The following MRAP variants were observed in gnomAD, a reference collection of about 807,000 sequenced individuals.
MRAP encodes the protein melanocortin-2 receptor accessory protein.
A neutral mutation model predicts 8.7 loss-of-function variants in MRAP; 8 were observed. That is an observed-to-expected ratio of 0.92 (90% CI 0.54 to 1.66). The LOEUF (loss-of-function observed/expected upper bound fraction) is 1.66, where lower values mean the gene tolerates loss of function less well. Ranked by LOEUF, MRAP falls within the 40% of genes most tolerant of loss-of-function variation. MRAP has a pLI of 0.00. For missense variants in MRAP, 237 were observed against 217.1 expected (o/e 1.09, Z -0.58); for synonymous variants, 95 against 95.5 (o/e 1.00, Z 0.03).
intron 1 of MRAP, among the ~76,000 whole-genome samples, chr21:32,304,550 G>A (rs1474493779): frequency 1.3e-5 from 2 of 151,924 alleles, no homozygotes; most frequent in Non-Finnish European, 2.9e-5. Flanking sequence ...GGCAGGCGGA[G>A]GTTGCAGTGA....
chr21:32,305,541 T>C (rs1190209661), intron 1 of MRAP, among the ~76,000 whole-genome samples: 1 of 151,790 alleles, frequency 6.6e-6, no homozygotes, highest in East Asian at 1.9e-4. Flanking sequence ...GAGGAGGAGG[T>C]TGGGGGTGGA....
chr21:32,309,045 A>C (rs187169854), intron 2 of MRAP, among the ~76,000 whole-genome samples: 2 of 152,184 alleles, frequency 1.3e-5, no homozygotes, highest in South Asian at 4.1e-4. Flanking sequence ...TGTTGCTGTA[A>C]CAGAATACCT....
chr21:32,307,271 T>G (rs1422173212), intron 2 of MRAP, among the ~76,000 whole-genome samples: 1 of 151,992 alleles, frequency 6.6e-6, no homozygotes, highest in Non-Finnish European at 1.5e-5. Context: ...CTTTTGGGGA[T>G]GATAAAAATG....
At chr21:32,305,843 A>T (rs1202006196) in intron 1 of MRAP, among the ~76,000 whole-genome samples, 1 of 151,726 alleles carries the variant, frequency 6.6e-6, no homozygotes, top group Admixed American at 6.6e-5. Context: ...GTAGTTCCAT[A>T]GCAACTGGCC....
intron 1 of MRAP, among the ~76,000 whole-genome samples, chr21:32,301,474 T>C (rs923135914): frequency 1.3e-4 from 20 of 152,224 alleles, no homozygotes; most frequent in Non-Finnish European, 4.4e-5. Flanking sequence ...GTAAGTTTCC[T>C]GAGGTCTCCC....
upstream of MRAP, among the ~76,000 whole-genome samples, chr21:32,294,948 C>G (rs1167786062): frequency 6.6e-6 from 1 of 151,802 alleles, no homozygotes; most frequent in East Asian, 1.9e-4. Context: ...TTGACACTAA[C>G]AGAAAACATT....
At chr21:32,311,494 C>T in intron 2 of MRAP, 190 bp from the exon 3 acceptor site, 1 of 512,768 alleles carries the variant, frequency 2.0e-6, no homozygotes, top group Non-Finnish European at 3.1e-6. Flanking sequence ...CAAAGCACTT[C>T]CTCTCCTCTG....
intron 2 of MRAP, among the ~76,000 whole-genome samples, chr21:32,307,300 C>CGTG (rs1457499057): frequency 2.6e-5 from 4 of 152,222 alleles, no homozygotes; most frequent in African/African-American, 9.6e-5. Flanking sequence ...TTAAGCTGGG[C>CGTG]GTGGTGGCTC....
chr21:32,314,719 C>G, downstream of MRAP: 1 of 1,525,844 alleles, frequency 6.6e-7, no homozygotes, highest in Non-Finnish European at 9.1e-7. Flanking sequence ...ATGCTGGGCA[C>G]CTACAGGCCC....
In MRAP at chr21:32,306,623, A is replaced by T. The variant is rs1465557132; in HGVS notation, c.107-17A>T. On this transcript the variant is annotated splice_polypyrimidine_tract_variant and intron_variant, in intron 1 of 2. Coordinates refer to ENST00000303645, the MANE Select transcript of MRAP (RefSeq NM_001379228.1). The stretch of plus-strand genomic sequence containing the variant: ...TTGACATAACCCAGCGCTGAGATGC[A>T]TCTCCTCCTCCCGCAGATTCCATCG... 6.2e-7 allele frequency: 1 copy of T among 1,611,410 alleles called. No individual in the cohort carries two copies. Among genetic ancestry groups the T allele is most frequent in the African/African-American group, 1.3e-5 (1 of 74,810 alleles).
intron 1 of MRAP, among the ~76,000 whole-genome samples, chr21:32,292,089 C>A (rs1244784628): frequency 6.6e-6 from 1 of 151,640 alleles, no homozygotes; most frequent in Non-Finnish European, 1.5e-5. Flanking sequence ...AAAATGTGAG[C>A]ATTGACTAGA....
chr21:32,297,892 G>T (rs375046699), upstream of MRAP, among the ~76,000 whole-genome samples: 4 of 152,206 alleles, frequency 2.6e-5, no homozygotes, highest in South Asian at 2.1e-4. Context: ...GGCGTGGCAG[G>T]CCTCAGCAAA....
Position 32,303,681 on chromosome 21 carries a change from C to T in MRAP, c.107-2959C>T, listed in dbSNP as rs1450625822. 1.3e-4 allele frequency among the ~76,000 whole-genome samples: 20 copies of T among 152,332 alleles called. No individual in the cohort carries two copies. The South Asian group carries it at 2.7e-3, about 21-fold the overall frequency. On this transcript the variant is annotated intron_variant, in intron 1 of 2. Transcript: ENST00000303645. The stretch of plus-strand genomic sequence containing the variant: ...TGGACCACTTTCATTGTCAACCCAG[C>T]CTGGGGCTCCCTGTTGGGAAAACCA...
chr21:32,314,682 G>T (rs146921552), downstream of MRAP: 31 of 1,601,762 alleles, frequency 1.9e-5, no homozygotes, highest in Admixed American at 2.0e-4. Context: ...TCATGGCCTA[G>T]AAGTCCCCAC....
intron 1 of MRAP, among the ~76,000 whole-genome samples, chr21:32,304,953 GTTTTT>G (rs1159686772): frequency 8.8e-6 from 1 of 113,828 alleles, no homozygotes; most frequent in African/African-American, 3.7e-5. Context: ...AGGGGGATTT[GTTTTT>G]TTTGTTGTTT....
chr21:32,308,415 C>G (rs529089672), intron 2 of MRAP: 1 of 152,714 alleles, frequency 6.5e-6, no homozygotes, highest in Non-Finnish European at 1.5e-5. Flanking sequence ...AAAGAAAGAT[C>G]CTTACCTTAG....
chr21:32,300,311 C>T (rs184400363), intron 1 of MRAP, among the ~76,000 whole-genome samples: 60 of 152,288 alleles, frequency 3.9e-4, no homozygotes, highest in African/African-American at 1.3e-3. Context: ...ATGTCAGATG[C>T]GTCATGTGTC....
Position 32,299,121 on chromosome 21 carries a change from C to G in MRAP, c.106+44C>G, listed in dbSNP as rs769966643. On this transcript the variant is annotated intron_variant, in intron 1 of 2. Coordinates refer to ENST00000303645, the MANE Select transcript of MRAP (RefSeq NM_001379228.1). ...AGCCGGTCAGACAGAGGCTGGGGGC[C>G]GGGGCCCAAATGACTGGGCACTCCC... is the stretch of plus-strand genomic sequence containing the variant. 7.2e-6 allele frequency: 11 copies of G among 1,523,782 alleles called. No individual in the cohort carries two copies. The Admixed American group carries it at 1.9e-4, about 26-fold the overall frequency. The allele number at this position is 1,523,782 out of a possible 1,614,324, so 94.4% of individuals were successfully genotyped here. A position where few individuals can be genotyped will look rare whatever the true frequency, so the allele number is the denominator to read the frequency against.
rs369406722 is a variant in MRAP, at chr21:32,306,718, G to C, written c.185G>C (p.Trp62Ser). The part of the protein sequence containing the change: ...LLFLILLYMS[W>S]SASPQMRNSP... Reference sequence around the variant, plus strand: ...TTCCTCATCTTGCTCTACATGTCCTGGTCCGCCTCCCCGCAGATGAGGTGG... The same window carrying C: ...TTCCTCATCTTGCTCTACATGTCCTCGTCCGCCTCCCCGCAGATGAGGTGG... Residue 62 changes from tryptophan to serine, a missense_variant, in exon 2 of 3, where the codon TGG (tryptophan) becomes TCG (serine). By Grantham distance (177) the Trp-to-Ser change is radical. Transcript: ENST00000303645. 6.2e-7 allele frequency: 1 copy of C among 1,614,000 alleles called. No homozygotes were observed. Among genetic ancestry groups the C allele is most frequent in the African/African-American group, 1.3e-5 (1 of 74,906 alleles).
Sources: allele counts gnomAD v4.1 joint callset (sites outside exome capture counted in the v4.1 genomes callset), GRCh38; gene constraint gnomAD v4.1.1; transcripts MANE v1.5; gene names NCBI Gene and HGNC (gene_info 2026-07-23, HGNC 2026-07-21).